NUP93: variants seen among roughly 807,000 people sequenced by gnomAD.
NUP93 encodes nucleoporin 93, also known as nuclear pore complex protein Nup93.
A neutral mutation model predicts 107.8 loss-of-function variants in NUP93; 55 were observed. The ratio of observed to expected loss-of-function variants is 0.51; its 90% confidence interval spans 0.41 to 0.64. NUP93 has a LOEUF of 0.64. NUP93 is among the 30% of genes least tolerant of loss of function. The probability of loss-of-function intolerance (pLI) is 0.00; values close to 1 mark genes in which losing one functional copy is unlikely to be tolerated. For missense variants in NUP93, 937 were observed against 1,044.7 expected, an observed-to-expected ratio of 0.90 and a Z score of 1.42; for synonymous variants, 390 against 397.5, an observed-to-expected ratio of 0.98 and a Z score of 0.22.
chr16:56,815,200 C>A (rs189477628), intron 5 of NUP93, among the ~76,000 whole-genome samples: 151 of 152,258 alleles, frequency 9.9e-4, no homozygotes, highest in African/African-American at 3.3e-3. Context: ...TGTGTCCTTG[C>A]AAAAATGCTT....
At chr16:56,814,018 T>C (rs1488844412) in intron 5 of NUP93, among the ~76,000 whole-genome samples, 1 of 152,214 alleles carries the variant, frequency 6.6e-6, no homozygotes, top group Non-Finnish European at 1.5e-5. Flanking sequence ...TGCCTACAAC[T>C]TTTAAAGCTA....
chr16:56,760,584 G>A (rs1243170538), intron 3 of NUP93, among the ~76,000 whole-genome samples: 2 of 151,966 alleles, frequency 1.3e-5, no homozygotes, highest in African/African-American at 2.4e-5. Context: ...GGGCAGGGGC[G>A]GGTGCCACTT....
At chr16:56,744,089 C>T (rs1315922538) in intron 1 of NUP93, among the ~76,000 whole-genome samples, 12 of 152,118 alleles carry the variant, frequency 7.9e-5, no homozygotes, top group Admixed American at 2.6e-4. Flanking sequence ...TTGACTGCTC[C>T]GGGTCCTGCT....
chr16:56,785,825 TA>T (rs1452422391), intron 3 of NUP93, among the ~76,000 whole-genome samples: 6 of 152,244 alleles, frequency 3.9e-5, no homozygotes, highest in Non-Finnish European at 7.3e-5. Flanking sequence ...CACTTATATG[TA>T]GATGGCTTCA....
At chr16:56,795,723 T>C (rs1445869418) in intron 3 of NUP93, among the ~76,000 whole-genome samples, 6 of 152,108 alleles carry the variant, frequency 3.9e-5, no homozygotes, top group Non-Finnish European at 8.8e-5. Context: ...CTCAGCTCAC[T>C]GCAACCTCTG....
intron 12 of NUP93, 35 bp downstream of exon 12, chr16:56,832,423 T>G: frequency 2.0e-6 from 3 of 1,537,386 alleles, no homozygotes; most frequent in Non-Finnish European, 2.7e-6. Flanking sequence ...TTCCCTTCTC[T>G]TGTCCACTTA....
In NUP93 at chr16:56,798,495, A is replaced by C; in HGVS notation, c.317A>C (p.Lys106Thr). Reference sequence around the variant, plus strand: ...TTATAGGGCTTCCTGAAGAATGAGAAGGACAATGCCCTGCTGTCTGCCATC... The same window carrying C: ...TTATAGGGCTTCCTGAAGAATGAGACGGACAATGCCCTGCTGTCTGCCATC... ...TDIQGFLKNEKDNALLSAIEE... is the reference protein window; with the variant it reads ...TDIQGFLKNETDNALLSAIEE... The change falls in exon 4 of 22, where the codon AAG (lysine) becomes ACG (threonine). Residue 106 changes from lysine (K) to threonine (T), a missense_variant. Physicochemically the swap from Lys to Thr is moderately conservative, Grantham distance 78. Coordinates refer to ENST00000308159, the MANE Select transcript of NUP93 (RefSeq NM_014669.5). 1 of 1,614,154 alleles carries C rather than the reference A, an allele frequency of 6.2e-7. No homozygotes were observed. The highest frequency in any genetic ancestry group is 8.5e-7 in the Non-Finnish European group (1 of 1,179,976).
At chr16:56,762,664 C>G (rs982134301) in intron 3 of NUP93, among the ~76,000 whole-genome samples, 6 of 152,156 alleles carry the variant, frequency 3.9e-5, no homozygotes, top group Non-Finnish European at 7.4e-5. Context: ...CCTAGGGATG[C>G]TGTAACAAAG....
At chr16:56,773,304 C>T (rs1265594783) in intron 3 of NUP93, among the ~76,000 whole-genome samples, 1 of 152,222 alleles carries the variant, frequency 6.6e-6, no homozygotes. Context: ...ATGCTTTTCA[C>T]TATTTGTTAA....
intron 1 of NUP93, chr16:56,740,871 C>A: frequency 5.1e-6 from 1 of 195,268 alleles, no homozygotes; most frequent in South Asian, 7.2e-5. Flanking sequence ...CAAAACCAGT[C>A]AGGCGTGGCG....
chr16:56,836,393 G>GCCCT (rs1423621124), intron 16 of NUP93, among the ~76,000 whole-genome samples: 4 of 152,164 alleles, frequency 2.6e-5, no homozygotes, highest in African/African-American at 4.8e-5. Context: ...GCCCTTTCAT[G>GCCCT]TGTAGTTTCC....
At chr16:56,764,709 G>GA (rs1254275387) in intron 3 of NUP93, among the ~76,000 whole-genome samples, 1 of 152,202 alleles carries the variant, frequency 6.6e-6, no homozygotes, top group East Asian at 1.9e-4. Flanking sequence ...CAGTTTGTTG[G>GA]AAAGAGGGTC....
At chr16:56,834,654 C>T in intron 15 of NUP93, 80 bp from the exon 16 acceptor site, 1 of 1,304,756 alleles carries the variant, frequency 7.7e-7, no homozygotes, top group South Asian at 1.3e-5. Flanking sequence ...CATTTGATTC[C>T]CCTCTTTTTT....
chr16:56,838,523 T>C (rs1963957455), intron 18 of NUP93, among the ~76,000 whole-genome samples: 1 of 152,206 alleles, frequency 6.6e-6, no homozygotes, highest in South Asian at 2.1e-4. Context: ...TTTAATTAAC[T>C]TCACCCAGAG....
chr16:56,748,092 A>T (rs943938081), intron 1 of NUP93, 142 bp from the exon 2 acceptor site: 7 of 558,708 alleles, frequency 1.3e-5, no homozygotes, highest in Non-Finnish European at 1.9e-5. Flanking sequence ...ATGTTCAGGA[A>T]CAAATCCTGC....
At chr16:56,801,549 A>T (rs757378957) in intron 4 of NUP93, among the ~76,000 whole-genome samples, 1 of 152,130 alleles carries the variant, frequency 6.6e-6, no homozygotes, top group African/African-American at 2.4e-5. Flanking sequence ...AGTAGCTTGG[A>T]TTACAGGCGT....
intron 8 of NUP93, among the ~76,000 whole-genome samples, chr16:56,826,019 T>A (rs1257631397): frequency 6.6e-6 from 1 of 152,200 alleles, no homozygotes; most frequent in Non-Finnish European, 1.5e-5. Context: ...AATATAGGAT[T>A]GGTCTGTCTC....
chr16:56,768,281 T>C (rs1326285662), intron 3 of NUP93, among the ~76,000 whole-genome samples: 1 of 152,218 alleles, frequency 6.6e-6, no homozygotes, highest in African/African-American at 2.4e-5. Context: ...TCTTGTCTTT[T>C]GGCTGGGCGC....
At chr16:56,832,468 T>A in intron 12 of NUP93, 80 bp downstream of exon 12, 1 of 1,097,518 alleles carries the variant, frequency 9.1e-7, no homozygotes, top group Non-Finnish European at 1.4e-6. Context: ...GGGAAAATTT[T>A]TCATCTCTGA....
Sources: gnomAD v4.1 joint callset for allele counts (sites outside exome capture counted in the v4.1 genomes callset) on GRCh38, gnomAD v4.1.1 for gene constraint, MANE v1.5 for transcripts, NCBI Gene and HGNC (gene_info 2026-07-23, HGNC 2026-07-21) for gene names.